SEC14L5: variants seen among roughly 807,000 people sequenced by gnomAD.
The protein encoded by SEC14L5 is SEC14-like protein 5.
In SEC14L5, 96 loss-of-function variants were observed where a neutral mutation model predicts 84.6. That is an observed-to-expected ratio of 1.13 (90% CI 0.96 to 1.34). The LOEUF is 1.34. Among genes scored for constraint, SEC14L5 ranks in the 40% most tolerant of loss-of-function variants. The probability of loss-of-function intolerance (pLI) is 0.00; values close to 1 mark genes in which losing one functional copy is unlikely to be tolerated. For synonymous variants in SEC14L5, 546 were observed against 383.4 expected, an observed-to-expected ratio of 1.42 and a Z score of -4.95; for missense variants, 1,224 against 942.5, an observed-to-expected ratio of 1.30 and a Z score of -3.91.
intron 8 of SEC14L5, 90 bp from the exon 9 acceptor site, chr16:5,000,565 G>T: frequency 3.1e-6 from 3 of 979,396 alleles, no homozygotes; most frequent in Non-Finnish European, 4.7e-6. Flanking sequence ...GCCTGAGGAG[G>T]TGAAGCTCTC....
chr16:5,008,305 G>C (rs540438870), intron 13 of SEC14L5, 116 bp from the exon 14 acceptor site: 3 of 711,986 alleles, frequency 4.2e-6, no homozygotes, highest in Non-Finnish European at 7.3e-6. Context: ...AGGAATGAGC[G>C]TGTGCCTGGG....
rs779352574 is a variant in SEC14L5 at position 4,988,326 on chromosome 16, G to A, written c.345+46G>A. 1.1e-5 allele frequency: 17 copies of A among 1,599,664 alleles called. No homozygotes were observed. In the East Asian group the frequency reaches 1.1e-4, roughly 11 times the overall value. ...GCGCCCACGCCCGGCACCCACCTGCGCCCGGCACCCACCTGTGCCCAGAGC... is the reference window on the plus strand; with the variant it reads ...GCGCCCACGCCCGGCACCCACCTGCACCCGGCACCCACCTGTGCCCAGAGC... On this transcript the variant is annotated intron_variant, in intron 4 of 15. Coordinates refer to ENST00000251170, the MANE Select transcript of SEC14L5 (RefSeq NM_014692.2).
chr16:5,014,367 A>T (rs1955845577), intron 15 of SEC14L5, among the ~76,000 whole-genome samples: 1 of 152,184 alleles, frequency 6.6e-6, no homozygotes, highest in Non-Finnish European at 1.5e-5. Context: ...TGGGCAGCAT[A>T]GTGAGAGCCC....
At chr16:4,995,894 G>A (rs1955603368) in intron 6 of SEC14L5, among the ~76,000 whole-genome samples, 1 of 152,086 alleles carries the variant, frequency 6.6e-6, no homozygotes, top group Non-Finnish European at 1.5e-5. Flanking sequence ...CCAAAGTCCT[G>A]GGATTACAGT....
At chr16:4,975,943 T>C (rs116573409) in intron 2 of SEC14L5, among the ~76,000 whole-genome samples, 1 of 152,192 alleles carries the variant, frequency 6.6e-6, no homozygotes, top group East Asian at 1.9e-4. Flanking sequence ...CTTTCTGCAT[T>C]CTTACTGGAC....
chr16:4,987,912 T>TAA (rs1955510425), intron 3 of SEC14L5, among the ~76,000 whole-genome samples: 1 of 149,960 alleles, frequency 6.7e-6, no homozygotes, highest in Admixed American at 6.6e-5. Flanking sequence ...GGCTGGGGAG[T>TAA]AGCGGGAACT....
intron 2 of SEC14L5, among the ~76,000 whole-genome samples, chr16:4,966,029 G>A (rs1955196286): frequency 6.6e-6 from 1 of 152,062 alleles, no homozygotes; most frequent in South Asian, 2.1e-4. Context: ...GCAACAGAGT[G>A]AGACCCTGCC....
intron 10 of SEC14L5, among the ~76,000 whole-genome samples, chr16:5,002,298 ATTTTTT>A (rs71402579): frequency 1.5e-5 from 2 of 133,742 alleles, no homozygotes; most frequent in Admixed American, 7.9e-5. Context: ...CTGTTTGCAG[ATTTTTT>A]TTTTTTTTTT....
chr16:4,991,720 A>G, intron 5 of SEC14L5, 118 bp from the exon 6 acceptor site: 4 of 588,938 alleles, frequency 6.8e-6, no homozygotes, highest in Non-Finnish European at 2.9e-6. Context: ...CCAGCCACTC[A>G]ATAGCCACGT....
At chr16:4,975,339 G>A (rs1278643540) in intron 2 of SEC14L5, among the ~76,000 whole-genome samples, 1 of 151,852 alleles carries the variant, frequency 6.6e-6, no homozygotes, top group Non-Finnish European at 1.5e-5. Flanking sequence ...TGGGCATGGT[G>A]GTGGGCGCCT....
intron 2 of SEC14L5, among the ~76,000 whole-genome samples, chr16:4,968,330 C>T (rs1055356015): frequency 6.6e-6 from 1 of 152,050 alleles, no homozygotes; most frequent in Non-Finnish European, 1.5e-5. Flanking sequence ...CAGGCATGCA[C>T]CACCACGCCA....
chr16:4,982,683 C>T (rs903861357), intron 2 of SEC14L5, among the ~76,000 whole-genome samples: 3 of 152,184 alleles, frequency 2.0e-5, no homozygotes, highest in South Asian at 4.1e-4. Flanking sequence ...GTGAGACACA[C>T]GGAGAGACTG....
chr16:4,991,892 C>T lies in SEC14L5; in HGVS notation c.529C>T (p.His177Tyr). 1.2e-6 allele frequency: 2 copies of T among 1,610,018 alleles called. No individual in the cohort carries two copies. Among genetic ancestry groups the T allele is most frequent in the Non-Finnish European group, 1.7e-6 (2 of 1,178,988 alleles). The change falls in exon 6 of 16, where the codon CAC (histidine) becomes TAC (tyrosine). Residue 177 changes from histidine to tyrosine, a missense_variant. Transcript: ENST00000251170. ...LNELISQGTS[H>Y]IPRWTPAPVR... ...TGAGCTCATCTCCCAGGGTACCTCG[C>T]ACATTCCGCGCTGGACGCCTGCCCC...
intron 2 of SEC14L5, among the ~76,000 whole-genome samples, chr16:4,974,561 TAAA>T (rs919214812): frequency 3.2e-4 from 49 of 151,234 alleles, no homozygotes; most frequent in Admixed American, 1.2e-3. Flanking sequence ...TTTAATTTTT[TAAA>T]AAAACATTTA....
intron 13 of SEC14L5, among the ~76,000 whole-genome samples, chr16:5,007,806 A>T (rs1019916464): frequency 6.7e-6 from 1 of 150,318 alleles, no homozygotes; most frequent in Non-Finnish European, 1.5e-5. Context: ...GGTTTTCGTC[A>T]TGTTGGTCAG....
chr16:5,014,628 C>T (rs1471799911), intron 15 of SEC14L5, among the ~76,000 whole-genome samples: 1 of 152,246 alleles, frequency 6.6e-6, no homozygotes, highest in Non-Finnish European at 1.5e-5. Context: ...GGGCCTCAGG[C>T]CAGGGGAGCC....
At chr16:4,997,987 T>A (rs910754069) in intron 8 of SEC14L5, among the ~76,000 whole-genome samples, 1 of 145,466 alleles carries the variant, frequency 6.9e-6, no homozygotes, top group African/African-American at 2.5e-5. Flanking sequence ...TAATTACACC[T>A]GCACAGACTC....
In SEC14L5 at chr16:4,991,985, C is replaced by A. The variant is rs764209456; in HGVS notation, c.622C>A (p.Pro208Thr). The A allele has an allele frequency of 6.3e-7, 1 of 1,584,518 alleles. No individual in the cohort carries two copies. The highest frequency in any genetic ancestry group is 8.5e-7 in the Non-Finnish European group (1 of 1,170,686). Residue 208 changes from proline (P) to threonine (T), a missense_variant, in exon 6 of 16, where the codon CCC becomes ACC. Pro to Thr is a conservative substitution (Grantham distance 38). Coordinates refer to ENST00000251170, the MANE Select transcript of SEC14L5 (RefSeq NM_014692.2). ...RDPSSLEAHG[P>T]RSTLGPALEA... The stretch of plus-strand genomic sequence containing the variant: ...CCCCAGCTCCCTGGAGGCCCACGGG[C>A]CCCGTAGCACCCTGGGGCCCGCTCT...
intron 2 of SEC14L5, among the ~76,000 whole-genome samples, chr16:4,964,652 T>G (rs192689364): frequency 3.7e-4 from 57 of 152,176 alleles, no homozygotes; most frequent in Non-Finnish European, 6.5e-4. Context: ...CCAATTCTTC[T>G]TCTTCACTCC....
Sources: allele counts gnomAD v4.1 joint callset (sites outside exome capture counted in the v4.1 genomes callset), GRCh38; gene constraint gnomAD v4.1.1; transcripts MANE v1.5; gene names NCBI Gene and HGNC (gene_info 2026-07-23, HGNC 2026-07-21).